Variants in FHOD3 observed in about 807,000 individuals in gnomAD.
FHOD3 encodes FH1/FH2 domain-containing protein 3.
Under a neutral mutation model 173.0 loss-of-function variants are expected in FHOD3, and 90 were observed. The observed-to-expected ratio is 0.52, with a 90% CI of 0.44 to 0.62. FHOD3 has a LOEUF of 0.62. Ranked by LOEUF, FHOD3 falls within the 20% of genes least tolerant of loss-of-function variation. FHOD3 has a pLI of 0.00. For missense variants in FHOD3, 1,945 were observed against 2,034.7 expected, an observed-to-expected ratio of 0.96 and a Z score of 0.85; for synonymous variants, 828 against 823.0, an observed-to-expected ratio of 1.01 and a Z score of -0.10.
chr18:36,557,299 C>T (rs1251712906), intron 5 of FHOD3, among the ~76,000 whole-genome samples: 5 of 152,032 alleles, frequency 3.3e-5, no homozygotes, highest in Non-Finnish European at 7.4e-5. Flanking sequence ...ATATGTGCTA[C>T]GTTTACCGAT....
At chr18:36,408,338 G>A (rs923292192) in intron 3 of FHOD3, among the ~76,000 whole-genome samples, 1 of 152,230 alleles carries the variant, frequency 6.6e-6, no homozygotes, top group South Asian at 2.1e-4. Context: ...TTAGTGGGGT[G>A]TGTAGGGCAG....
At chr18:36,473,436 A>G (rs548645594) in intron 3 of FHOD3, among the ~76,000 whole-genome samples, 9 of 152,282 alleles carry the variant, frequency 5.9e-5, no homozygotes, top group African/African-American at 1.9e-4. Flanking sequence ...GAAATGCAGC[A>G]CCTGAGACCT....
rs542479470 is a variant in FHOD3, at chr18:36,557,334, A to T, written c.512-19117A>T. On this transcript the variant is annotated intron_variant, in intron 5 of 28. Transcript: ENST00000590592. Reference sequence around the variant, plus strand: ...TGCTATTTATTTTAAATTTTTTTTTAAATTTTAAATTATTTTTTCTGTGTT... The same window carrying T: ...TGCTATTTATTTTAAATTTTTTTTTTAATTTTAAATTATTTTTTCTGTGTT... 1.9e-3 allele frequency among the ~76,000 whole-genome samples: 289 copies of T among 151,908 alleles called. 1 individual carries two copies. Among genetic ancestry groups the T allele is most frequent in the African/African-American group, 5.7e-3 (237 of 41,508 alleles).
chr18:36,501,779 T>C (rs1399832062), intron 3 of FHOD3, among the ~76,000 whole-genome samples, 153 bp from the exon 4 acceptor site: 1 of 152,204 alleles, frequency 6.6e-6, no homozygotes, highest in Non-Finnish European at 1.5e-5. Context: ...AACATTCTTC[T>C]TATGGTTGGG....
chr18:36,704,427 C>T (rs1365306965), intron 17 of FHOD3, among the ~76,000 whole-genome samples: 2 of 152,224 alleles, frequency 1.3e-5, no homozygotes, highest in African/African-American at 4.8e-5. Flanking sequence ...GTTGCCTGGG[C>T]ACCTGGCCCA....
chr18:36,586,798 A>G (rs142714605), intron 6 of FHOD3, among the ~76,000 whole-genome samples: 1,960 of 152,256 alleles, frequency 0.013, 18 homozygotes, highest in Non-Finnish European at 0.018. Context: ...CATTTTGTCA[A>G]TTATTCATAA....
intron 5 of FHOD3, among the ~76,000 whole-genome samples, chr18:36,553,983 A>T (rs2057769214): frequency 6.6e-6 from 1 of 152,186 alleles, no homozygotes; most frequent in African/African-American, 2.4e-5. Context: ...AAAGTCAGGA[A>T]ACAGTAGGTG....
chr18:36,684,844 C>T (rs1490239144), intron 15 of FHOD3, among the ~76,000 whole-genome samples: 4 of 152,058 alleles, frequency 2.6e-5, no homozygotes, highest in Non-Finnish European at 4.4e-5. Flanking sequence ...ACTCTTTTGC[C>T]GAGGCTGGAG....
At chr18:36,775,620 G>C (rs771855558) in intron 28 of FHOD3, among the ~76,000 whole-genome samples, 2 of 152,164 alleles carry the variant, frequency 1.3e-5, no homozygotes, top group Admixed American at 6.5e-5. Context: ...CATTGTTCTC[G>C]GATGCGACTC....
In FHOD3 at chr18:36,772,194, C is replaced by T. The variant is rs141542441; in HGVS notation, c.4786+2768C>T. Among the ~76,000 whole-genome samples, 50 of 152,262 alleles carry T rather than the reference C, an allele frequency of 3.3e-4. 1 individual carries two copies. Among genetic ancestry groups the T allele is most frequent in the Admixed American group, 6.5e-4 (10 of 15,298 alleles). ...TGTGACACAGTTACTATAACAAGTA[C>T]AGCACAGCATGTATGTGTTTATCTG... is the stretch of plus-strand genomic sequence containing the variant. On this transcript the variant is annotated intron_variant, in intron 28 of 28. Coordinates refer to ENST00000590592, the MANE Select transcript of FHOD3 (RefSeq NM_001281740.3).
chr18:36,735,603 A>G (rs1228991114), intron 20 of FHOD3, among the ~76,000 whole-genome samples: 1 of 152,216 alleles, frequency 6.6e-6, no homozygotes, highest in Non-Finnish European at 1.5e-5. Flanking sequence ...ATGAATAATC[A>G]TAAGAATGAA....
intron 3 of FHOD3, among the ~76,000 whole-genome samples, chr18:36,491,059 A>G (rs1243211430): frequency 1.3e-5 from 2 of 152,124 alleles, no homozygotes; most frequent in African/African-American, 2.4e-5. Flanking sequence ...TGTGGATGAG[A>G]GCTGGCCCTG....
At chr18:36,666,021 C>T (rs746824334) in intron 14 of FHOD3, among the ~76,000 whole-genome samples, 51 of 152,168 alleles carry the variant, frequency 3.4e-4, no homozygotes, top group Non-Finnish European at 6.8e-4. Flanking sequence ...AAAGTCAGGG[C>T]CTACAAAGGG....
intron 5 of FHOD3, among the ~76,000 whole-genome samples, chr18:36,531,079 GC>G (rs2056760939): frequency 6.6e-6 from 1 of 152,148 alleles, no homozygotes; most frequent in Non-Finnish European, 1.5e-5. Context: ...TGCCTTAGAG[GC>G]CTCCTACTCT....
chr18:36,742,690 A>G, intron 21 of FHOD3, 47 bp from the exon 22 acceptor site: 1 of 1,584,828 alleles, frequency 6.3e-7, no homozygotes, highest in Non-Finnish European at 8.6e-7. Flanking sequence ...AACAAAGTAA[A>G]CCCAAATTGT....
chr18:36,458,258 C>A (rs1173487792), intron 3 of FHOD3, among the ~76,000 whole-genome samples: 1 of 152,126 alleles, frequency 6.6e-6, no homozygotes, highest in African/African-American at 2.4e-5. Context: ...GACGTGGGAA[C>A]TTATCAGTAA....
chr18:36,355,410 A>G lies in FHOD3; in HGVS notation c.166-129A>G. ...ATTTGCACTAACATACTAGCTCTTC[A>G]AGTTATGATCCACATTTCAGAACAT... On this transcript the variant is annotated intron_variant, in intron 1 of 28. Transcript: ENST00000590592. 7.1e-6 allele frequency: 5 copies of G among 706,090 alleles called. No individual in the cohort carries two copies. The Admixed American group carries it at 1.2e-4, about 17-fold the overall frequency. The allele number at this position is 706,090 out of a possible 1,614,324, so 43.7% of individuals were successfully genotyped here.
intron 19 of FHOD3, among the ~76,000 whole-genome samples, chr18:36,720,202 T>C (rs1428232164): frequency 2.7e-5 from 4 of 150,126 alleles, no homozygotes; most frequent in African/African-American, 9.8e-5. Context: ...TGGTACCAAG[T>C]GGTGCCGAGC....
chr18:36,575,624 CAATT>C (rs995978166), intron 5 of FHOD3, among the ~76,000 whole-genome samples: 2 of 152,158 alleles, frequency 1.3e-5, no homozygotes, highest in Non-Finnish European at 2.9e-5. Context: ...AATGCCCTGA[CAATT>C]AGTTATGGGT....
Sources: gnomAD v4.1 joint callset for allele counts (sites outside exome capture counted in the v4.1 genomes callset) on GRCh38, gnomAD v4.1.1 for gene constraint, MANE v1.5 for transcripts, NCBI Gene and HGNC (gene_info 2026-07-23, HGNC 2026-07-21) for gene names.